Variants in ATP7B observed in about 807,000 individuals in gnomAD.
ATP7B encodes ATPase copper transporting beta, also known as copper-transporting ATPase 2.
ATP7B carries 113 observed loss-of-function variants against 118.9 expected under a neutral mutation model. The ratio of observed to expected loss-of-function variants is 0.95; its 90% CI spans 0.82 to 1.11. ATP7B has a LOEUF of 1.11. Ranked by LOEUF, ATP7B falls within the 50% of genes most tolerant of loss-of-function variation. The pLI is 0.00. For synonymous variants in ATP7B, 777 were observed against 727.4 expected, an observed-to-expected ratio of 1.07 and a Z score of -1.10; for missense variants, 1,867 against 1,871.4, an observed-to-expected ratio of 1.00 and a Z score of 0.04.
intron 14 of ATP7B, among the ~76,000 whole-genome samples, chr13:51,943,884 G>C (rs1256267273): frequency 1.3e-5 from 2 of 152,126 alleles, no homozygotes; most frequent in Non-Finnish European, 2.9e-5. Flanking sequence ...GGCGCCTGGT[G>C]ATGTTCAGCA....
chr13:51,940,330 C>A (rs1957257717), intron 16 of ATP7B, among the ~76,000 whole-genome samples: 1 of 143,480 alleles, frequency 7.0e-6, no homozygotes, highest in Admixed American at 6.9e-5. Flanking sequence ...AGTCTTGAGA[C>A]CTGTACTCTG....
rs1593696545 is a variant in ATP7B, at chr13:51,950,217, G to A, written c.2575+55C>T. On this transcript the variant is annotated intron_variant, in intron 10 of 20. Coordinates refer to ENST00000242839, the MANE Select transcript of ATP7B (RefSeq NM_000053.4). ...GCTCAGCCCCATCCAGCACTCATGT[G>A]ACCTGACAGCTGCTATGATATCCTC... 3 of 1,614,152 alleles carry A rather than the reference G, an allele frequency of 1.9e-6. No individual in the cohort carries two copies. In the East Asian group the frequency reaches 6.7e-5, roughly 36 times the overall value.
intron 8 of ATP7B, 78 bp from the exon 9 acceptor site, chr13:51,957,685 G>T: frequency 7.1e-7 from 1 of 1,405,982 alleles, no homozygotes; most frequent in Non-Finnish European, 1.0e-6. Context: ...TCACAAGCGT[G>T]GTGTTAGAGA....
chr13:51,971,768 T>G (rs895648124), intron 2 of ATP7B, among the ~76,000 whole-genome samples: 1 of 152,232 alleles, frequency 6.6e-6, no homozygotes, highest in Non-Finnish European at 1.5e-5. Context: ...AGGTGTGTGC[T>G]GTGGGCACAG....
intron 5 of ATP7B, 157 bp downstream of exon 5, chr13:51,964,715 C>T (rs755518288): frequency 2.5e-6 from 2 of 796,714 alleles, no homozygotes; most frequent in Non-Finnish European, 3.9e-6. Context: ...TACTTACCTG[C>T]AGTTTATTTT....
At chr13:51,993,087 A>G (rs1051540268) in intron 1 of ATP7B, among the ~76,000 whole-genome samples, 1 of 151,464 alleles carries the variant, frequency 6.6e-6, no homozygotes, top group African/African-American at 2.4e-5. Context: ...GATAGTATGT[A>G]TAATTTGATC....
At chr13:52,000,643 C>T (rs1953448651) in intron 1 of ATP7B, among the ~76,000 whole-genome samples, 1 of 152,220 alleles carries the variant, frequency 6.6e-6, no homozygotes, top group Non-Finnish European at 1.5e-5. Context: ...CCTTCCCCTG[C>T]TGCTCCCACA....
Position 51,974,063 on chromosome 13 carries a change from C to T in ATP7B, c.1157G>A (p.Gly386Glu), listed in dbSNP as rs1181266412. The T allele has an allele frequency of 1.2e-6, 2 of 1,614,086 alleles. No individual in the cohort carries two copies. The highest frequency in any genetic ancestry group is 1.3e-5 in the African/African-American group (1 of 74,916). The change falls in exon 2 of 21, where the codon GGG becomes GAG. Residue 386 changes from glycine (G) to glutamate (E), a missense_variant. Gly to Glu is a moderately conservative substitution (Grantham distance 98). Transcript: ENST00000242839. The part of the protein sequence containing the change: ...SIEGMISQLE[G>E]VQQISVSLAE... Reference sequence around the variant, plus strand: ...CAAAGACACCGATATTTGCTGCACCCCTTCCAGTTGGGAGATCATGCCTTC... The same window carrying T: ...CAAAGACACCGATATTTGCTGCACCTCTTCCAGTTGGGAGATCATGCCTTC...
intron 1 of ATP7B, among the ~76,000 whole-genome samples, chr13:51,986,499 G>A (rs1223852245): frequency 6.6e-6 from 1 of 152,152 alleles, no homozygotes; most frequent in East Asian, 1.9e-4. Flanking sequence ...AAGAGGAGCT[G>A]GTACCATTCC....
chr13:51,937,651 AC>A lies in ATP7B; in HGVS notation c.3727del (p.Val1243CysfsTer87), dbSNP rs1957051870. On this transcript the variant is annotated frameshift_variant, in exon 18 of 21. Transcript: ENST00000242839. LOFTEE classifies it high-confidence loss of function. ...CTTGGCCACCTTGTGCGAAGGCAGC[AC>A]CTCTGCAAAGACTTTGTTGATGCCA... ...QVGINKVFAE[V>X]LPSHKVAKVQ... 6.2e-7 allele frequency: 1 copy of A among 1,614,242 alleles called. No homozygotes were observed. The highest frequency in any genetic ancestry group is 1.7e-5 in the Admixed American group (1 of 60,030).
chr13:51,995,839 C>T (rs917516454), intron 1 of ATP7B, among the ~76,000 whole-genome samples: 1 of 152,182 alleles, frequency 6.6e-6, no homozygotes, highest in Non-Finnish European at 1.5e-5. Context: ...TGCAGCACTG[C>T]AGATCTTTGC....
At chr13:52,003,474 T>C (rs1953620106) in intron 1 of ATP7B, among the ~76,000 whole-genome samples, 1 of 152,208 alleles carries the variant, frequency 6.6e-6, no homozygotes, top group South Asian at 2.1e-4. Context: ...CAAAGAGCAC[T>C]GATCACAGAT....
upstream of ATP7B, chr13:52,011,951 A>G: frequency 3.4e-6 from 1 of 297,926 alleles, no homozygotes; most frequent in African/African-American, 2.3e-5. Context: ...CCCTCCTCGG[A>G]CTCTGCGCCT....
chr13:51,935,769 T>C (rs1956922780), intron 19 of ATP7B, 74 bp from the exon 20 acceptor site: 8 of 1,372,436 alleles, frequency 5.8e-6, no homozygotes, highest in Non-Finnish European at 7.0e-6. Flanking sequence ...GGCACCGGGC[T>C]GCCCCACCCT....
rs78235570 is a variant in ATP7B, at chr13:51,994,939, A to C, written c.51+16348T>G. Among the ~76,000 whole-genome samples, 1,160 of 152,352 alleles carry C rather than the reference A, an allele frequency of 7.6e-3. 11 individuals are homozygous for C. The highest frequency in any genetic ancestry group is 0.027 in the African/African-American group (1,110 of 41,584). On this transcript the variant is annotated intron_variant, in intron 1 of 20. Transcript: ENST00000242839. ...GAGTAACAAAACTTCAACTTGCTTA[A>C]GAAAAGGAACTTCATTTTGCAGCAT...
intron 9 of ATP7B, among the ~76,000 whole-genome samples, chr13:51,956,399 A>G (rs937071495): frequency 6.6e-6 from 1 of 152,242 alleles, no homozygotes; most frequent in African/African-American, 2.4e-5. Context: ...ACAAGGGCAC[A>G]CAAGGGAGGG....
rs1459548901 is a variant in ATP7B at position 51,939,048 on chromosome 13, T to C, written c.3699+3A>G. On this transcript the variant is annotated splice_donor_region_variant and intron_variant, in intron 17 of 20. Transcript: ENST00000242839. Reference sequence around the variant, plus strand: ...CACAGTTTGCAACATTAAAGGGCTGTACCTGGGTGGCAATAGCTCTGGCTG... The same window carrying C: ...CACAGTTTGCAACATTAAAGGGCTGCACCTGGGTGGCAATAGCTCTGGCTG... 4.3e-6 allele frequency: 7 copies of C among 1,614,254 alleles called. No individual in the cohort carries two copies. Among genetic ancestry groups the C allele is most frequent in the South Asian group, 1.1e-5 (1 of 91,088 alleles).
intron 15 of ATP7B, among the ~76,000 whole-genome samples, chr13:51,941,614 C>G (rs1466563319): frequency 6.6e-6 from 1 of 152,144 alleles, no homozygotes; most frequent in Non-Finnish European, 1.5e-5. Flanking sequence ...ATCAACAACC[C>G]CAGGTGAATC....
At chr13:51,965,430 C>A (rs1290094347) in intron 4 of ATP7B, among the ~76,000 whole-genome samples, 1 of 152,222 alleles carries the variant, frequency 6.6e-6, no homozygotes, top group African/African-American at 2.4e-5. Flanking sequence ...CTGAAATACT[C>A]TCCGTAATCC....
Sources: allele counts gnomAD v4.1 joint callset (sites outside exome capture counted in the v4.1 genomes callset), GRCh38; gene constraint gnomAD v4.1.1; transcripts MANE v1.5; gene names NCBI Gene and HGNC (gene_info 2026-07-23, HGNC 2026-07-21).